SLC25A48: variants seen among roughly 807,000 people sequenced by gnomAD.
SLC25A48 encodes solute carrier family 25 member 48, also known as CTC-321K16.1.
A neutral mutation model predicts 32.2 loss-of-function variants in SLC25A48; 29 were observed. That is an observed-to-expected ratio of 0.90 (90% CI 0.67 to 1.23). SLC25A48 has a LOEUF of 1.23. SLC25A48 is among the 50% of genes most tolerant of loss of function. SLC25A48 has a pLI of 0.00. For synonymous variants in SLC25A48, 164 were observed against 172.3 expected (o/e 0.95, Z 0.38); for missense variants, 399 against 422.7 (o/e 0.94, Z 0.49).
chr5:135,597,210 A>G lies in SLC25A48; in HGVS notation c.-849+17613A>G, dbSNP rs149344199. On this transcript the variant is annotated intron_variant, in intron 1 of 10. Transcript: ENST00000646290. ...GTGCCAGGCACATATCTCTATCTCT[A>G]TCTCAGACTGGATTCAATGCAGGAA... 7.9e-5 allele frequency among the ~76,000 whole-genome samples: 12 copies of G among 152,326 alleles called. No homozygotes were observed. In the East Asian group the frequency reaches 1.9e-3, roughly 24 times the overall value.
At chr5:135,659,574 C>T (rs1258161630) in intron 3 of SLC25A48, among the ~76,000 whole-genome samples, 1 of 152,208 alleles carries the variant, frequency 6.6e-6, no homozygotes, top group East Asian at 1.9e-4. Flanking sequence ...TTTCAGGTAT[C>T]TTTATAGCAA....
At chr5:135,699,248 A>G (rs1327839296) in intron 3 of SLC25A48, among the ~76,000 whole-genome samples, 1 of 152,270 alleles carries the variant, frequency 6.6e-6, no homozygotes, top group Non-Finnish European at 1.5e-5. Context: ...TATTTATAAT[A>G]GCCGGAAGCT....
chr5:135,721,550 CT>C (rs1313802261), intron 3 of SLC25A48, among the ~76,000 whole-genome samples: 1 of 152,160 alleles, frequency 6.6e-6, no homozygotes, highest in Non-Finnish European at 1.5e-5. Flanking sequence ...TCTCATTACA[CT>C]TTGGGACCCA....
intron 4 of SLC25A48, among the ~76,000 whole-genome samples, chr5:135,858,494 T>G (rs1278078919): frequency 1.9e-4 from 29 of 152,318 alleles, no homozygotes; most frequent in Non-Finnish European, 1.8e-4. Flanking sequence ...GAACCCTAAT[T>G]GTGTGCCAAA....
At chr5:135,828,830 TC>T (rs796296649) in intron 4 of SLC25A48, among the ~76,000 whole-genome samples, 10 of 152,310 alleles carry the variant, frequency 6.6e-5, no homozygotes, top group African/African-American at 2.4e-4. Context: ...CAGCTGCCCC[TC>T]CTACAGCCAT....
At chr5:135,776,282 G>A (rs1756558300) in intron 3 of SLC25A48, among the ~76,000 whole-genome samples, 1 of 148,288 alleles carries the variant, frequency 6.7e-6, no homozygotes, top group Non-Finnish European at 1.5e-5. Flanking sequence ...GTGGGGGGCA[G>A]AGAGAATAAT....
intron 1 of SLC25A48, among the ~76,000 whole-genome samples, chr5:135,626,318 A>G (rs1396099652): frequency 6.6e-6 from 1 of 152,198 alleles, no homozygotes; most frequent in African/African-American, 2.4e-5. Flanking sequence ...GATTTCTTCC[A>G]TTTTGTCCTA....
At chr5:135,782,537 GGAT>G (rs1756739908) in intron 3 of SLC25A48, among the ~76,000 whole-genome samples, 1 of 116,996 alleles carries the variant, frequency 8.5e-6, no homozygotes, top group Non-Finnish European at 2.1e-5. Flanking sequence ...GGGAAGGAGA[GGAT>G]GATATTACTT....
At chr5:135,603,976 C>T (rs748389380) in intron 1 of SLC25A48, among the ~76,000 whole-genome samples, 6 of 152,154 alleles carry the variant, frequency 3.9e-5, no homozygotes, top group South Asian at 2.1e-4. Flanking sequence ...GGAAAGCAGA[C>T]GGTGTGGAAA....
chr5:135,883,063 G>T (rs918195843), intron 7 of SLC25A48: 1 of 985,226 alleles, frequency 1.0e-6, no homozygotes, highest in Admixed American at 6.2e-5. Context: ...TTTTCCCAGG[G>T]TCTCATCCCA....
chr5:135,708,815 T>C (rs1055933227), intron 3 of SLC25A48, among the ~76,000 whole-genome samples: 1 of 152,078 alleles, frequency 6.6e-6, no homozygotes, highest in African/African-American at 2.4e-5. Context: ...AGAGAGCGAG[T>C]GAGTGAGTAC....
At chr5:135,874,235 A>C in intron 6 of SLC25A48, 81 bp downstream of exon 6, 1 of 1,368,128 alleles carries the variant, frequency 7.3e-7, no homozygotes, top group Non-Finnish European at 9.4e-7. Flanking sequence ...GGGACTATAG[A>C]GAAGGGAATC....
chr5:135,865,943 A>G (rs910751278), intron 4 of SLC25A48, among the ~76,000 whole-genome samples: 7 of 152,242 alleles, frequency 4.6e-5, no homozygotes, highest in Non-Finnish European at 7.3e-5. Context: ...GTACCCACAC[A>G]TATGAGAAAA....
chr5:135,615,539 C>T (rs925396088), intron 1 of SLC25A48, among the ~76,000 whole-genome samples: 1 of 152,104 alleles, frequency 6.6e-6, no homozygotes, highest in African/African-American at 2.4e-5. Flanking sequence ...CTTCTAATAC[C>T]ATATGCTCAC....
intron 4 of SLC25A48, among the ~76,000 whole-genome samples, chr5:135,867,084 A>AT (rs1761261911): frequency 3.9e-5 from 6 of 152,224 alleles, no homozygotes; most frequent in Admixed American, 3.9e-4. Flanking sequence ...AGCATTCATG[A>AT]TTTTAAAAAG....
intron 3 of SLC25A48, among the ~76,000 whole-genome samples, chr5:135,726,507 C>T (rs772188483): frequency 1.2e-4 from 18 of 152,194 alleles, no homozygotes; most frequent in South Asian, 8.3e-4. Context: ...AGCCATGAAA[C>T]TGTTCTCCAT....
intron 3 of SLC25A48, among the ~76,000 whole-genome samples, chr5:135,655,074 C>T (rs78755963): frequency 0.023 from 3,540 of 152,176 alleles, 145 homozygotes; most frequent in African/African-American, 0.08. Flanking sequence ...TGACATTAAG[C>T]GGGAAGCACT....
chr5:135,629,508 C>T lies in SLC25A48; in HGVS notation c.-709+132C>T, dbSNP rs1752509367. 1.3e-5 allele frequency: 2 copies of T among 152,170 alleles called. No individual in the cohort carries two copies. The highest frequency in any genetic ancestry group is 4.8e-5 in the African/African-American group (2 of 41,420). The allele number at this position is 152,170 out of a possible 1,614,324, so 9.4% of individuals were successfully genotyped here. A position where few individuals can be genotyped will look rare whatever the true frequency, so the allele number is the denominator to read the frequency against. On this transcript the variant is annotated intron_variant, in intron 2 of 10. Coordinates refer to the SLC25A48 transcript ENST00000646290. This position sits in a 1 kb window ranked among gnomAD's most constrained non-coding sequence, Gnocchi z 4.8. ...TATAAACGATCTTGGGCTTTGGAGC[C>T]ACATAGACTTGGCCTCTAATCCCAA...
chr5:135,662,514 G>A (rs999322245), intron 3 of SLC25A48, among the ~76,000 whole-genome samples: 1 of 152,154 alleles, frequency 6.6e-6, no homozygotes, highest in Non-Finnish European at 1.5e-5. Flanking sequence ...GTCCAAATAA[G>A]AGGCCCATCT....
Sources: allele counts gnomAD v4.1 joint callset (sites outside exome capture counted in the v4.1 genomes callset), GRCh38; gene constraint gnomAD v4.1.1; non-coding constraint Gnocchi (gnomAD v3.1); transcripts MANE v1.5; gene names NCBI Gene and HGNC (gene_info 2026-07-23, HGNC 2026-07-21).